GRXCR1: variants seen among roughly 807,000 people sequenced by gnomAD.
GRXCR1 encodes the protein glutaredoxin domain-containing cysteine-rich protein 1.
GRXCR1 carries 27 observed loss-of-function variants against 27.3 expected under a neutral mutation model. The observed-to-expected ratio is 0.99, with a 90% CI of 0.73 to 1.37. The LOEUF (loss-of-function observed/expected upper bound fraction) is 1.37. Among genes scored for constraint, GRXCR1 ranks in the 40% most tolerant of loss-of-function variants. The pLI, the probability that GRXCR1 is intolerant of heterozygous loss-of-function variation, is 0.00. For synonymous variants in GRXCR1, 122 were observed against 131.1 expected, an observed-to-expected ratio of 0.93 and a Z score of 0.47; for missense variants, 379 against 354.4, an observed-to-expected ratio of 1.07 and a Z score of -0.56.
chr4:42,980,705 A>T (rs1377994123), intron 2 of GRXCR1, among the ~76,000 whole-genome samples: 2 of 152,146 alleles, frequency 1.3e-5, no homozygotes, highest in East Asian at 3.9e-4. Context: ...CTGTCTGGAT[A>T]ATCTGTCTAT....
chr4:42,977,417 T>C (rs1476819692), intron 2 of GRXCR1, among the ~76,000 whole-genome samples: 1 of 152,024 alleles, frequency 6.6e-6, no homozygotes, highest in African/African-American at 2.4e-5. Context: ...ATGGCTATGT[T>C]AATTTACATT....
chr4:42,984,746 G>A (rs1711646741), intron 2 of GRXCR1, among the ~76,000 whole-genome samples: 2 of 152,208 alleles, frequency 1.3e-5, no homozygotes, highest in South Asian at 4.1e-4. Context: ...ACTCAGAACT[G>A]CTGAGGCCTG....
At chr4:42,973,349 A>G (rs1203319053) in intron 2 of GRXCR1, among the ~76,000 whole-genome samples, 1 of 152,180 alleles carries the variant, frequency 6.6e-6, no homozygotes, top group Non-Finnish European at 1.5e-5. Flanking sequence ...TGTGATCCAC[A>G]TAACAAATTG....
At chr4:42,984,740 A>G (rs1711643256) in intron 2 of GRXCR1, among the ~76,000 whole-genome samples, 1 of 152,204 alleles carries the variant, frequency 6.6e-6, no homozygotes, top group Non-Finnish European at 1.5e-5. Flanking sequence ...CCAGAAACTC[A>G]GAACTGCTGA....
chr4:42,969,967 G>C (rs1262403305), intron 2 of GRXCR1, among the ~76,000 whole-genome samples: 1 of 152,082 alleles, frequency 6.6e-6, no homozygotes, highest in East Asian at 1.9e-4. Flanking sequence ...ACAGGGATCA[G>C]ATAAAGGCTC....
intron 2 of GRXCR1, among the ~76,000 whole-genome samples, chr4:43,010,839 C>T (rs1020175793): frequency 1.3e-5 from 2 of 152,172 alleles, no homozygotes; most frequent in African/African-American, 4.8e-5. Flanking sequence ...AAACAAGTTA[C>T]TAAGGTGCTA....
intron 2 of GRXCR1, among the ~76,000 whole-genome samples, chr4:42,986,311 T>C (rs1387531224): frequency 1.3e-5 from 2 of 152,202 alleles, no homozygotes; most frequent in African/African-American, 4.8e-5. Context: ...AATGCTGAAG[T>C]GAGGGGCTCA....
chr4:42,935,513 T>C (rs1747435446), intron 1 of GRXCR1, among the ~76,000 whole-genome samples: 1 of 151,664 alleles, frequency 6.6e-6, no homozygotes, highest in African/African-American at 2.4e-5. Context: ...ATGGGTAGCA[T>C]TTGGAGAGGA....
chr4:42,946,142 T>C (rs1231985128), intron 1 of GRXCR1, among the ~76,000 whole-genome samples: 1 of 152,164 alleles, frequency 6.6e-6, no homozygotes, highest in Non-Finnish European at 1.5e-5. Flanking sequence ...CAGAATGATA[T>C]ATACCCAGTG....
At chr4:42,960,726 C>T (rs1577921583) in intron 1 of GRXCR1, among the ~76,000 whole-genome samples, 1 of 151,708 alleles carries the variant, frequency 6.6e-6, no homozygotes, top group East Asian at 1.9e-4. Flanking sequence ...TCATCACTGT[C>T]ATCACAGATG....
At chr4:42,954,918 C>G (rs1430757856) in intron 1 of GRXCR1, among the ~76,000 whole-genome samples, 1 of 152,072 alleles carries the variant, frequency 6.6e-6, no homozygotes, top group East Asian at 1.9e-4. Flanking sequence ...GATTTGAGAG[C>G]AAGGTGGGCA....
intron 1 of GRXCR1, among the ~76,000 whole-genome samples, chr4:42,897,536 G>A (rs1010259778): frequency 6.6e-6 from 1 of 152,118 alleles, no homozygotes; most frequent in Non-Finnish European, 1.5e-5. Context: ...GATATTTCCG[G>A]TTAGTGTGAT....
chr4:42,966,737 A>G (rs996235644), intron 2 of GRXCR1, among the ~76,000 whole-genome samples: 2 of 152,104 alleles, frequency 1.3e-5, no homozygotes, highest in Admixed American at 1.3e-4. Context: ...AGCCATTCTA[A>G]TAGATGTGTA....
chr4:42,966,410 C>T (rs1179736666), intron 2 of GRXCR1, among the ~76,000 whole-genome samples: 1 of 152,004 alleles, frequency 6.6e-6, no homozygotes, highest in African/African-American at 2.4e-5. Flanking sequence ...TCTTAACTAC[C>T]TGATATTGAG....
chr4:42,998,972 C>G (rs918838962), intron 2 of GRXCR1, among the ~76,000 whole-genome samples: 1 of 152,120 alleles, frequency 6.6e-6, no homozygotes, highest in African/African-American at 2.4e-5. Flanking sequence ...TCTTGGCTGT[C>G]AAAAAGTATT....
intron 1 of GRXCR1, among the ~76,000 whole-genome samples, chr4:42,902,890 G>A (rs1370774834): frequency 1.3e-5 from 2 of 152,158 alleles, no homozygotes; most frequent in Non-Finnish European, 2.9e-5. Context: ...TATTCTTGTA[G>A]TGCCAGAAAC....
rs533620273 is a variant in GRXCR1 at position 42,962,809 on chromosome 4, A to G, written c.385-83A>G. ...TCATTCAATTTTATTGCATGGCTTT[A>G]ACGCAATTTTTAATTGTCTTAAAAT... On this transcript the variant is annotated intron_variant, in intron 1 of 3. Coordinates refer to ENST00000399770, the MANE Select transcript of GRXCR1 (RefSeq NM_001080476.3). 3 of 1,517,038 alleles carry G rather than the reference A, an allele frequency of 2.0e-6. No individual in the cohort carries two copies. In the East Asian group the frequency reaches 6.8e-5, roughly 34 times the overall value. 94.0% of individuals were successfully genotyped at this position (1,517,038 alleles called of 1,614,324 possible).
At chr4:42,965,704 A>C (rs1748222033) in intron 2 of GRXCR1, among the ~76,000 whole-genome samples, 1 of 152,068 alleles carries the variant, frequency 6.6e-6, no homozygotes, top group Non-Finnish European at 1.5e-5. Context: ...AATCATCTGC[A>C]CAATACAATT....
chr4:42,959,582 A>G (rs891713445), intron 1 of GRXCR1, among the ~76,000 whole-genome samples: 3 of 152,006 alleles, frequency 2.0e-5, no homozygotes, highest in African/African-American at 7.2e-5. Flanking sequence ...GGAATAATGT[A>G]TGTATTAATT....
Sources: allele counts gnomAD v4.1 joint callset (sites outside exome capture counted in the v4.1 genomes callset), GRCh38; gene constraint gnomAD v4.1.1; transcripts MANE v1.5; gene names NCBI Gene and HGNC (gene_info 2026-07-23, HGNC 2026-07-21).